Variants in DHX35 observed in about 807,000 individuals in gnomAD.
DHX35 encodes the protein DEAH-box helicase 35.
DHX35 carries 84 observed loss-of-function variants against 99.6 expected under a neutral mutation model. The ratio of observed to expected loss-of-function variants is 0.84; its 90% CI spans 0.71 to 1.01. The LOEUF is 1.01. Among genes scored for constraint, DHX35 ranks in the 50% least tolerant of loss-of-function variants. The probability of loss-of-function intolerance (pLI) is 0.00; values close to 1 mark genes in which losing one functional copy is unlikely to be tolerated. For missense variants in DHX35, 852 were observed against 888.5 expected, an observed-to-expected ratio of 0.96 and a Z score of 0.52; for synonymous variants, 331 against 316.2, an observed-to-expected ratio of 1.05 and a Z score of -0.50.
intron 2 of DHX35, among the ~76,000 whole-genome samples, chr20:38,969,442 G>T (rs1041520882): frequency 1.3e-5 from 2 of 152,186 alleles, no homozygotes; most frequent in Non-Finnish European, 2.9e-5. Flanking sequence ...AAAACTGGAG[G>T]AATTAGAATG....
intron 21 of DHX35, among the ~76,000 whole-genome samples, chr20:39,035,676 C>T (rs2087139426): frequency 6.6e-6 from 1 of 152,186 alleles, no homozygotes; most frequent in Admixed American, 6.5e-5. Context: ...GGGTGGCTGC[C>T]TGCTGTTAGT....
chr20:38,972,468 A>G (rs1015500652), intron 2 of DHX35, 91 bp from the exon 3 acceptor site: 11 of 807,820 alleles, frequency 1.4e-5, no homozygotes, highest in Non-Finnish European at 1.8e-5. Context: ...CTTTCCTTTG[A>G]AAACAGCTCA....
intron 2 of DHX35, among the ~76,000 whole-genome samples, chr20:38,971,355 AAAAC>A (rs2085993907): frequency 2.0e-5 from 3 of 152,156 alleles, no homozygotes; most frequent in African/African-American, 4.8e-5. Flanking sequence ...TCCATCTCAA[AAAAC>A]AAAACAAAAC....
chr20:38,997,550 C>T (rs1362704192), intron 8 of DHX35, among the ~76,000 whole-genome samples: 1 of 152,146 alleles, frequency 6.6e-6, no homozygotes, highest in Non-Finnish European at 1.5e-5. Context: ...TCATGCCTTG[C>T]TCTGCTGTGG....
intron 1 of DHX35, 50 bp downstream of exon 1, chr20:38,962,457 C>T (rs2085846035): frequency 6.3e-7 from 1 of 1,595,284 alleles, no homozygotes; most frequent in Non-Finnish European, 8.5e-7. Flanking sequence ...TGACTTCGGT[C>T]TTGGCGCCGC....
At chr20:38,990,027 C>A (rs945176854) in intron 5 of DHX35, among the ~76,000 whole-genome samples, 1 of 152,158 alleles carries the variant, frequency 6.6e-6, no homozygotes, top group African/African-American at 2.4e-5. Context: ...ACCTTATTTT[C>A]CAGATTGCCA....
At chr20:38,968,206 T>C (rs193232854) in intron 1 of DHX35, among the ~76,000 whole-genome samples, 14 of 151,898 alleles carry the variant, frequency 9.2e-5, no homozygotes, top group Admixed American at 9.2e-4. Context: ...GGTAGAGGAG[T>C]TGTAAGCGTG....
intron 17 of DHX35, 109 bp downstream of exon 17, chr20:39,023,876 C>A: frequency 1.2e-6 from 1 of 857,006 alleles, no homozygotes. Context: ...CCAAGAGAGC[C>A]CTTGATTTTC....
chr20:39,030,398 T>C (rs2087029246), intron 19 of DHX35: 1 of 334,916 alleles, frequency 3.0e-6, no homozygotes, highest in Non-Finnish European at 5.5e-6. Context: ...AAGGAAATTG[T>C]TTTGAAAGAG....
At chr20:38,972,459 T>A in intron 2 of DHX35, 100 bp from the exon 3 acceptor site, 1 of 752,800 alleles carries the variant, frequency 1.3e-6, no homozygotes, top group Non-Finnish European at 2.2e-6. Context: ...TAAAATTCAC[T>A]TTCCTTTGAA....
intron 13 of DHX35, among the ~76,000 whole-genome samples, chr20:39,012,424 GA>G (rs887409873): frequency 2.0e-5 from 3 of 151,876 alleles, no homozygotes; most frequent in African/African-American, 7.3e-5. Context: ...AAAGCTAAAG[GA>G]AAAAAACAGC....
intron 3 of DHX35, chr20:38,977,849 T>C: frequency 3.6e-6 from 2 of 562,622 alleles, no homozygotes; most frequent in Non-Finnish European, 6.9e-6. Flanking sequence ...GATTTGACTT[T>C]TGTGCATTTT....
chr20:39,022,224 G>C (rs1473112786), intron 16 of DHX35, among the ~76,000 whole-genome samples: 1 of 152,166 alleles, frequency 6.6e-6, no homozygotes, highest in African/African-American at 2.4e-5. Flanking sequence ...GCAGTGGCGT[G>C]ATCTCAGCCC....
chr20:39,009,684 C>T (rs922613095), intron 12 of DHX35, among the ~76,000 whole-genome samples: 7 of 152,142 alleles, frequency 4.6e-5, no homozygotes, highest in Non-Finnish European at 1.0e-4. Context: ...TTCTGCCCTT[C>T]CTGTCTTGGG....
At chr20:38,968,278 G>C (rs1193727265) in intron 1 of DHX35, among the ~76,000 whole-genome samples, 2 of 152,154 alleles carry the variant, frequency 1.3e-5, no homozygotes, top group African/African-American at 4.8e-5. Flanking sequence ...CTAAGGGGCT[G>C]GAAGGAACCT....
chr20:38,988,768 G>C (rs2086287686), intron 4 of DHX35, 45 bp from the exon 5 acceptor site: 1 of 1,611,322 alleles, frequency 6.2e-7, no homozygotes, highest in Non-Finnish European at 8.5e-7. Context: ...GCGCTGTGCA[G>C]TAATTTCTAT....
Position 39,021,935 on chromosome 20 carries a change from A to G in DHX35, c.1593A>G (p.Ala531=). Residue 531 remains alanine (A), a splice_region_variant and synonymous_variant, in exon 16 of 22, where the codon GCA becomes GCG. Transcript: ENST00000252011. The part of the protein sequence containing the change: ...FVVPPNQKSH[A]IRVHRKFAVE... ...TCCCCCCAAACCAGAAGTCTCACGC[A>G]GTAAGTCAGCTCTGTCCCCAGGCTG... 6.2e-7 allele frequency: 1 copy of G among 1,614,138 alleles called. No individual in the cohort carries two copies. The highest frequency in any genetic ancestry group is 8.5e-7 in the Non-Finnish European group (1 of 1,179,958).
chr20:39,027,955 T>G (rs1226485310), intron 18 of DHX35, among the ~76,000 whole-genome samples: 1 of 152,254 alleles, frequency 6.6e-6, no homozygotes, highest in African/African-American at 2.4e-5. Flanking sequence ...TTGAAAAATT[T>G]GAAGAATTAC....
In DHX35 at chr20:39,023,644, C is replaced by A. The variant is rs563305831; in HGVS notation, c.1594-46C>A. The stretch of plus-strand genomic sequence containing the variant: ...CTGGGATTATAGGTGTGAGCCACCA[C>A]ACCCAGCAAAGAGTGAAATTCTGAA... On this transcript the variant is annotated intron_variant, in intron 16 of 21. Coordinates refer to ENST00000252011, the MANE Select transcript of DHX35 (RefSeq NM_021931.4). The A allele has an allele frequency of 2.5e-6, 4 of 1,570,370 alleles. No individual in the cohort carries two copies. The South Asian group carries it at 4.4e-5, about 17-fold the overall frequency.
Sources: gnomAD v4.1 joint callset for allele counts (sites outside exome capture counted in the v4.1 genomes callset) on GRCh38, gnomAD v4.1.1 for gene constraint, MANE v1.5 for transcripts, NCBI Gene and HGNC (gene_info 2026-07-23, HGNC 2026-07-21) for gene names.